RGMA: variants seen among roughly 807,000 people sequenced by gnomAD.
The protein encoded by RGMA is repulsive guidance molecule BMP co-receptor a.
Under a neutral mutation model 23.2 loss-of-function variants are expected in RGMA, and 10 were observed. The observed-to-expected ratio is 0.43, with a 90% confidence interval of 0.27 to 0.73. The LOEUF is 0.73. Among genes scored for constraint, RGMA ranks in the 30% least tolerant of loss-of-function variants. The pLI is 0.20. For synonymous variants in RGMA, 308 were observed against 279.3 expected (o/e 1.10, Z -1.03); for missense variants, 547 against 630.5 (o/e 0.87, Z 1.42).
At chr15:93,071,297 T>C (rs577684378) in intron 2 of RGMA, among the ~76,000 whole-genome samples, 111 of 152,368 alleles carry the variant, frequency 7.3e-4, no homozygotes, top group Non-Finnish European at 1.3e-3. Flanking sequence ...TTTGAATTCT[T>C]GGGAGGAAAC....
At chr15:93,060,836 C>T (rs1425422235) in intron 2 of RGMA, among the ~76,000 whole-genome samples, 1 of 152,258 alleles carries the variant, frequency 6.6e-6, no homozygotes, top group East Asian at 1.9e-4. Context: ...TGGACAGCTC[C>T]AGCTGTGGAT....
intron 2 of RGMA, among the ~76,000 whole-genome samples, chr15:93,060,977 C>T (rs914084470): frequency 6.6e-6 from 1 of 152,222 alleles, no homozygotes; most frequent in African/African-American, 2.4e-5. Flanking sequence ...GTCTCTCCAG[C>T]TGCTCCTCTC....
At chr15:93,053,982 C>G (rs540350904) in intron 2 of RGMA, among the ~76,000 whole-genome samples, 1 of 152,208 alleles carries the variant, frequency 6.6e-6, no homozygotes, top group South Asian at 2.1e-4. Flanking sequence ...AATCCCAGCA[C>G]TTTTTGGGAG....
In RGMA at chr15:93,045,433, G is replaced by A; in HGVS notation, c.918C>T (p.Asp306=). The change falls in exon 4 of 4, where the codon GAC becomes GAT. Residue 306 remains aspartate (D), a synonymous_variant. Coordinates refer to ENST00000329082, the MANE Select transcript of RGMA (RefSeq NM_020211.3). The surrounding 1 kb of genome is among the most constrained non-coding windows in gnomAD (Gnocchi z 6.9). ...AGAGGTAGAGACCCTGGCTGTCCCA[G>A]TCCTCCACAGCATTGACCACTTCCT... ...MPEEVVNAVE[D]WDSQGLYLCL... is the part of the protein sequence containing the mutation. 6.2e-7 allele frequency: 1 copy of A among 1,613,220 alleles called. No homozygotes were observed. The highest frequency in any genetic ancestry group is 8.5e-7 in the Non-Finnish European group (1 of 1,179,800).
chr15:93,074,370 A>G (rs1203934909), intron 1 of RGMA, among the ~76,000 whole-genome samples: 1 of 152,134 alleles, frequency 6.6e-6, no homozygotes, highest in Admixed American at 6.5e-5. Context: ...GGGAGTGTGG[A>G]GAGGAGCAAG....
chr15:93,071,498 C>G (rs1895320141), intron 2 of RGMA, among the ~76,000 whole-genome samples: 2 of 152,228 alleles, frequency 1.3e-5, no homozygotes, highest in African/African-American at 4.8e-5. Flanking sequence ...CCTATGGAAC[C>G]TAGGTCTGGA....
At chr15:93,086,014 T>C (rs868153230) in intron 1 of RGMA, among the ~76,000 whole-genome samples, 1 of 152,252 alleles carries the variant, frequency 6.6e-6, no homozygotes, top group Admixed American at 6.5e-5. Context: ...AGGCTGAAAC[T>C]GAGCAGTCAT....
rs1294289774 is a variant in RGMA, at chr15:93,056,018, G to A, written c.131-3511C>T. On this transcript the variant is annotated intron_variant, in intron 2 of 3. Transcript: ENST00000329082. ...CGCATGCTCCAGGGCCACAGAGTGG[G>A]ATCTGGTAGCCCCAGATGAGGCTGT... Among the ~76,000 whole-genome samples, 17 of 152,220 alleles carry A rather than the reference G, an allele frequency of 1.1e-4. 1 individual carries two copies. The highest frequency in any genetic ancestry group is 1.0e-3 in the Admixed American group (16 of 15,286).
At chr15:93,078,131 T>C (rs1895502831) in intron 1 of RGMA, among the ~76,000 whole-genome samples, 1 of 152,248 alleles carries the variant, frequency 6.6e-6, no homozygotes, top group African/African-American at 2.4e-5. Flanking sequence ...CAGCTCTTCC[T>C]GAGCTCCTGT....
At chr15:93,073,565 T>C in intron 1 of RGMA, 3 of 1,530,670 alleles carry the variant, frequency 2.0e-6, no homozygotes, top group Non-Finnish European at 2.6e-6. Context: ...CAGCCCTACT[T>C]TCCAACCAGA....
intron 2 of RGMA, among the ~76,000 whole-genome samples, chr15:93,064,480 T>C (rs964136518): frequency 6.6e-6 from 1 of 152,204 alleles, no homozygotes. Flanking sequence ...TCTCCCTCAA[T>C]GCTGCCGGCA....
intron 1 of RGMA, among the ~76,000 whole-genome samples, chr15:93,084,761 C>T (rs537879569): frequency 1.8e-4 from 28 of 152,312 alleles, no homozygotes; most frequent in African/African-American, 6.7e-4. Context: ...GAGTGAACCA[C>T]CGTGCCTGGC....
chr15:93,046,211 T>C (rs2054822118), intron 3 of RGMA, among the ~76,000 whole-genome samples: 1 of 152,086 alleles, frequency 6.6e-6, no homozygotes, highest in South Asian at 2.1e-4. Context: ...ATCACAAGTA[T>C]CTTTATAAGA....
chr15:93,065,918 G>A (rs1210545735), intron 2 of RGMA: 9 of 726,584 alleles, frequency 1.2e-5, no homozygotes, highest in Middle Eastern at 2.5e-4. Context: ...CTGGGGGGCC[G>A]AGGGACTCGC....
chr15:93,050,390 T>C (rs939459159), intron 3 of RGMA, among the ~76,000 whole-genome samples: 82 of 152,220 alleles, frequency 5.4e-4, no homozygotes, highest in Non-Finnish European at 1.1e-3. Flanking sequence ...GCCCGAGTTC[T>C]GAGACTGACT....
chr15:93,056,735 C>T (rs2141818813), intron 2 of RGMA, among the ~76,000 whole-genome samples: 1 of 152,222 alleles, frequency 6.6e-6, no homozygotes, highest in South Asian at 2.1e-4. Flanking sequence ...GGTTCAAAGT[C>T]CCACTCTGTC....
intron 3 of RGMA, among the ~76,000 whole-genome samples, chr15:93,051,283 C>G (rs1045058808): frequency 6.6e-6 from 1 of 152,184 alleles, no homozygotes; most frequent in Non-Finnish European, 1.5e-5. Flanking sequence ...GCCCGACACA[C>G]GGCCTTCCAA....
At chr15:93,060,905 G>A (rs556102918) in intron 2 of RGMA, among the ~76,000 whole-genome samples, 16 of 152,214 alleles carry the variant, frequency 1.1e-4, no homozygotes, top group Non-Finnish European at 1.6e-4. Flanking sequence ...AGGAAAGGCT[G>A]AAGTAGGGCG....
At chr15:93,073,901 A>G in intron 1 of RGMA, 4 of 1,444,914 alleles carry the variant, frequency 2.8e-6, no homozygotes, top group South Asian at 1.4e-5. Flanking sequence ...AGAGATGGCT[A>G]TGCCGGTCCG....
Sources: allele counts gnomAD v4.1 joint callset (sites outside exome capture counted in the v4.1 genomes callset), GRCh38; gene constraint gnomAD v4.1.1; non-coding constraint Gnocchi (gnomAD v3.1); transcripts MANE v1.5; gene names NCBI Gene and HGNC (gene_info 2026-07-23, HGNC 2026-07-21).